Variants in LAMA2 observed in about 807,000 individuals in gnomAD.
LAMA2 encodes the protein laminin subunit alpha-2.
A neutral mutation model predicts 364.8 loss-of-function variants in LAMA2; 269 were observed. That is an observed-to-expected ratio of 0.74 (90% CI 0.67 to 0.82). The LOEUF is 0.82. Among genes scored for constraint, LAMA2 ranks in the 40% least tolerant of loss-of-function variants. The pLI, the probability that LAMA2 is intolerant of heterozygous loss-of-function variation, is 0.00. For synonymous variants in LAMA2, 1,379 were observed against 1,370.6 expected (o/e 1.01, Z -0.14); for missense variants, 3,807 against 3,873.2 (o/e 0.98, Z 0.45).
At chr6:128,964,489 G>C (rs1262034923) in intron 1 of LAMA2, among the ~76,000 whole-genome samples, 2 of 151,926 alleles carry the variant, frequency 1.3e-5, no homozygotes, top group African/African-American at 4.8e-5. Flanking sequence ...ATAATATTTG[G>C]CTCCAATTTC....
rs536228274 is a variant in LAMA2 at position 129,247,232 on chromosome 6, T to G, written c.1783-2880T>G. ...TGGGAGACGGAGGTGAGTAGATTGC[T>G]TGAGGTTAGGAGTTCAAGACCAGCC... On this transcript the variant is annotated intron_variant, in intron 12 of 64. Transcript: ENST00000421865. Among the ~76,000 whole-genome samples the G allele has an allele frequency of 7.2e-5, 11 of 152,190 alleles. No homozygotes were observed. In the South Asian group the frequency reaches 2.1e-3, roughly 29 times the overall value.
chr6:129,042,737 A>G (rs1787194738), intron 1 of LAMA2, among the ~76,000 whole-genome samples: 1 of 152,188 alleles, frequency 6.6e-6, no homozygotes, highest in Non-Finnish European at 1.5e-5. Context: ...AGGTATGTTT[A>G]AAAAGATCAT....
At chr6:129,257,608 C>T (rs1005431132) in intron 14 of LAMA2, among the ~76,000 whole-genome samples, 1 of 151,990 alleles carries the variant, frequency 6.6e-6, no homozygotes, top group African/African-American at 2.4e-5. Context: ...GTTAATCAAT[C>T]TGCTGTTTAG....
At chr6:129,051,152 T>C (rs12211951) in intron 2 of LAMA2, among the ~76,000 whole-genome samples, 30,733 of 149,416 alleles carry the variant, frequency 0.21, 4,375 homozygotes, top group African/African-American at 0.4. Flanking sequence ...ACATGCCTTC[T>C]TCTCTTCTCC....
chr6:129,376,437 T>A (rs1562506562), intron 34 of LAMA2, among the ~76,000 whole-genome samples: 1 of 152,174 alleles, frequency 6.6e-6, no homozygotes, highest in African/African-American at 2.4e-5. Flanking sequence ...CCAAATCTGT[T>A]CTCCGTAACG....
chr6:129,398,472 C>CTTTTTTTTTTTTTTTTTTTTTTTTTTTTT (rs71028159), intron 37 of LAMA2, among the ~76,000 whole-genome samples: 2 of 110,552 alleles, frequency 1.8e-5, no homozygotes, highest in African/African-American at 3.6e-5. Flanking sequence ...CTTTTCTTTT[C>CTTTTTTTTTTTTTTTTTTTTTTTTTTTTT]TTTTTTTTTT....
chr6:129,486,434 A>G, intron 55 of LAMA2, 40 bp from the exon 56 acceptor site: 1 of 1,602,220 alleles, frequency 6.2e-7, no homozygotes, highest in Non-Finnish European at 8.6e-7. Flanking sequence ...GCCATAAATG[A>G]GACTTCTGTT....
intron 34 of LAMA2, among the ~76,000 whole-genome samples, chr6:129,372,329 G>GCAAC (rs1211100287): frequency 2.6e-5 from 4 of 151,990 alleles, no homozygotes; most frequent in Non-Finnish European, 5.9e-5. Flanking sequence ...TTGACCCCTG[G>GCAAC]CAACCACTCA....
chr6:129,101,106 A>G (rs1775493565), intron 4 of LAMA2, among the ~76,000 whole-genome samples: 1 of 152,258 alleles, frequency 6.6e-6, no homozygotes, highest in Non-Finnish European at 1.5e-5. Context: ...AGTGACAGTC[A>G]AATAAGAGAA....
rs575847036 is a variant in LAMA2 at position 129,140,296 on chromosome 6, G to A, written c.640-3605G>A. ...AATCAGGATTATTTGGGTGAACAGA[G>A]TATAATATTGATATAGTTATTTGGT... On this transcript the variant is annotated intron_variant, in intron 4 of 64. Transcript: ENST00000421865. Among the ~76,000 whole-genome samples, 23 of 152,156 alleles carry A rather than the reference G, an allele frequency of 1.5e-4. No homozygotes were observed. The East Asian group carries it at 4.1e-3, about 27-fold the overall frequency.
chr6:129,108,362 C>A (rs1775953805), intron 4 of LAMA2, among the ~76,000 whole-genome samples: 1 of 151,970 alleles, frequency 6.6e-6, no homozygotes, highest in South Asian at 2.1e-4. Flanking sequence ...TTTAAAGTGA[C>A]TTTTTGCATT....
At chr6:129,188,686 C>T (rs1781366801) in intron 10 of LAMA2, among the ~76,000 whole-genome samples, 1 of 151,826 alleles carries the variant, frequency 6.6e-6, no homozygotes, top group African/African-American at 2.4e-5. Context: ...AGTAAGCTGG[C>T]ACAAATCTTG....
intron 15 of LAMA2, among the ~76,000 whole-genome samples, chr6:129,261,544 A>C (rs944837364): frequency 6.6e-6 from 1 of 152,160 alleles, no homozygotes; most frequent in Non-Finnish European, 1.5e-5. Context: ...AAAAATGTGA[A>C]CACTATTTCC....
rs1229600917 is a variant in LAMA2 at position 129,252,218 on chromosome 6, A to G, written c.2019A>G (p.Glu673=). Residue 673 remains glutamate, a synonymous_variant, in exon 14 of 65, where the codon GAA becomes GAG. Transcript: ENST00000421865. The part of the protein sequence containing the change: ...HGTHFPVRRK[E]FMTVLANLKR... ...CACATTTTCCAGTCCGTAGAAAGGA[A>G]TTTATGACAGTGCTTGCGAATTTGA... The G allele has an allele frequency of 6.8e-6, 11 of 1,614,126 alleles. No homozygotes were observed. In the Admixed American group the frequency reaches 1.7e-4, roughly 24 times the overall value.
At chr6:129,305,356 A>C (rs1360096948) in intron 22 of LAMA2, among the ~76,000 whole-genome samples, 1 of 147,648 alleles carries the variant, frequency 6.8e-6, no homozygotes, top group Non-Finnish European at 1.5e-5. Context: ...ACAGGGTCTT[A>C]CTCCATTGCC....
intron 1 of LAMA2, among the ~76,000 whole-genome samples, chr6:128,905,979 G>T (rs1383252234): frequency 1.3e-5 from 2 of 150,248 alleles, no homozygotes; most frequent in African/African-American, 4.9e-5. Flanking sequence ...ATTTTTTATG[G>T]CTGCATAGTA....
intron 12 of LAMA2, among the ~76,000 whole-genome samples, chr6:129,238,762 A>G (rs2115150292): frequency 6.6e-6 from 1 of 152,310 alleles, no homozygotes; most frequent in African/African-American, 2.4e-5. Context: ...TAATAATAAT[A>G]AACCTACATT....
At chr6:128,952,682 CTG>C (rs1390641092) in intron 1 of LAMA2, among the ~76,000 whole-genome samples, 1 of 152,152 alleles carries the variant, frequency 6.6e-6, no homozygotes, top group Non-Finnish European at 1.5e-5. Context: ...ATTATTAACA[CTG>C]TTGGATTTCT....
intron 4 of LAMA2, among the ~76,000 whole-genome samples, chr6:129,143,051 C>T (rs1778224630): frequency 6.6e-6 from 1 of 151,926 alleles, no homozygotes; most frequent in Non-Finnish European, 1.5e-5. Flanking sequence ...ACAGTTTATT[C>T]TTCATCAGAA....
Sources: gnomAD v4.1 joint callset for allele counts (sites outside exome capture counted in the v4.1 genomes callset) on GRCh38, gnomAD v4.1.1 for gene constraint, MANE v1.5 for transcripts, NCBI Gene and HGNC (gene_info 2026-07-23, HGNC 2026-07-21) for gene names.